The following CELSR3 variants were observed in gnomAD, a reference collection of about 807,000 sequenced individuals.
CELSR3 encodes the protein EGF-like protein 1.
In CELSR3, 73 loss-of-function variants were observed where a neutral mutation model predicts 270.0. The ratio of observed to expected loss-of-function variants is 0.27; its 90% CI spans 0.22 to 0.33. The LOEUF is 0.33. CELSR3 is among the 10% of genes least tolerant of loss of function. The probability of loss-of-function intolerance (pLI) is 1.00; values close to 1 mark genes in which losing one functional copy is unlikely to be tolerated. For synonymous variants in CELSR3, 1,780 were observed against 1,905.4 expected, an observed-to-expected ratio of 0.93 and a Z score of 1.71; for missense variants, 3,614 against 4,533.8, an observed-to-expected ratio of 0.80 and a Z score of 5.83.
intron 34 of CELSR3, 69 bp from the exon 35 acceptor site, chr3:48,638,301 C>G: frequency 1.7e-6 from 2 of 1,204,878 alleles, no homozygotes; most frequent in Non-Finnish European, 2.5e-6. Context: ...CTGGACTCCC[C>G]CACCACATTT....
Position 48,655,278 on chromosome 3 carries a change from C to A in CELSR3, c.4830+28G>T. 1.2e-6 allele frequency: 2 copies of A among 1,614,080 alleles called. No individual in the cohort carries two copies. The highest frequency in any genetic ancestry group is 1.7e-6 in the Non-Finnish European group (2 of 1,179,958). On this transcript the variant is annotated intron_variant, in intron 5 of 34. Coordinates refer to ENST00000164024, the MANE Select transcript of CELSR3 (RefSeq NM_001407.3). This position sits in a 1 kb window ranked among gnomAD's most constrained non-coding sequence, Gnocchi z 5.8. ...CAGAAGTCAGCATCCCAACTCCCCT[C>A]ATACCCGATGCCAGGGATGGCCCCC...
Position 48,653,558 on chromosome 3 carries a change from T to A in CELSR3, c.5448+61A>T. On this transcript the variant is annotated intron_variant, in intron 9 of 34. Transcript: ENST00000164024. This position sits in a 1 kb window ranked among gnomAD's most constrained non-coding sequence, Gnocchi z 6.5. ...TGTGACCAACCTGAACCCACAAGAATGTCAGTGGCGGCCTAAGAGACTGAG... is the reference window on the plus strand; with the variant it reads ...TGTGACCAACCTGAACCCACAAGAAAGTCAGTGGCGGCCTAAGAGACTGAG... 1 of 1,572,210 alleles carries A rather than the reference T, an allele frequency of 6.4e-7. No homozygotes were observed. Among genetic ancestry groups the A allele is most frequent in the Non-Finnish European group, 8.7e-7 (1 of 1,152,544 alleles).
rs2077074255 is a variant in CELSR3, at chr3:48,662,328, C to T, written c.307G>A (p.Glu103Lys). The change falls in exon 1 of 35, where the codon GAG becomes AAG. Residue 103 changes from glutamate to lysine, a missense_variant. Transcript: ENST00000164024. This position sits in a 1 kb window ranked among gnomAD's most constrained non-coding sequence, Gnocchi z 7.1. ...QSARNSRGPP[E>K]QPNEELGIEH... ...ATCCCCAGCTCCTCATTCGGCTGCT[C>T]AGGGGGCCCTCGACTATTCCGGGCG... 2 of 1,613,088 alleles carry T rather than the reference C, an allele frequency of 1.2e-6. No individual in the cohort carries two copies. Among genetic ancestry groups the T allele is most frequent in the East Asian group, 2.2e-5 (1 of 44,866 alleles).
Position 48,642,949 on chromosome 3 carries a change from G to A in CELSR3, c.8406+18C>T, listed in dbSNP as rs780104764. ...CAGCCTAAAACTCTGGCTTCTCAGG[G>A]CCCCCATCCCGACTCACCAGCCCAG... On this transcript the variant is annotated intron_variant, in intron 29 of 34. Coordinates refer to ENST00000164024, the MANE Select transcript of CELSR3 (RefSeq NM_001407.3). The surrounding 1 kb of genome is among the most constrained non-coding windows in gnomAD (Gnocchi z 6.1). 1 of 1,609,408 alleles carries A rather than the reference G, an allele frequency of 6.2e-7. No homozygotes were observed. The highest frequency in any genetic ancestry group is 1.1e-5 in the South Asian group (1 of 90,984).
chr3:48,660,083 G>A lies in CELSR3; in HGVS notation c.2552C>T (p.Ala851Val). ...TTGAAAGACCGGCCGATGAGTGTTGGCATCTGTGATGTTGATGTGCACATA... is the reference window on the plus strand; with the variant it reads ...TTGAAAGACCGGCCGATGAGTGTTGACATCTGTGATGTTGATGTGCACATA... ...HCYVHINITD[A>V]NTHRPVFQSA... Residue 851 changes from alanine (A) to valine (V), a missense_variant, in exon 1 of 35, where the codon GCC becomes GTC. Coordinates refer to ENST00000164024, the MANE Select transcript of CELSR3 (RefSeq NM_001407.3). This position sits in a 1 kb window ranked among gnomAD's most constrained non-coding sequence, Gnocchi z 5.5. 1.2e-6 allele frequency: 2 copies of A among 1,614,186 alleles called. No individual in the cohort carries two copies. Among genetic ancestry groups the A allele is most frequent in the Non-Finnish European group, 1.7e-6 (2 of 1,180,040 alleles).
At position 48,662,586 on chromosome 3, in the gene CELSR3, G is replaced by C; in HGVS notation, c.49C>G (p.Pro17Ala). 6.6e-7 allele frequency: 1 copy of C among 1,511,838 alleles called. No individual in the cohort carries two copies. Among genetic ancestry groups the C allele is most frequent in the South Asian group, 1.3e-5 (1 of 78,266 alleles). The allele number at this position is 1,511,838 out of a possible 1,614,324, so 93.7% of individuals were successfully genotyped here. A position where few individuals can be genotyped will look rare whatever the true frequency, so the allele number is the denominator to read the frequency against. ...PWRGLGGRSTPILLLLLLSLF... is the reference protein window; with the variant it reads ...PWRGLGGRSTAILLLLLLSLF... ...GAGAGGAGAAGGAGCAGGAGTATGG[G>C]GGTCGACCGTCCCCCGAGGCCCCGC... The change falls in exon 1 of 35, where the codon CCC (proline) becomes GCC (alanine). Residue 17 changes from proline to alanine, a missense_variant. Physicochemically the swap from Pro to Ala is conservative, Grantham distance 27. Coordinates refer to ENST00000164024, the MANE Select transcript of CELSR3 (RefSeq NM_001407.3). This position sits in a 1 kb window ranked among gnomAD's most constrained non-coding sequence, Gnocchi z 7.1.
At position 48,651,549 on chromosome 3, in the gene CELSR3, C is replaced by G; in HGVS notation, c.6065+28G>C. On this transcript the variant is annotated intron_variant, in intron 13 of 34. Transcript: ENST00000164024. This position sits in a 1 kb window ranked among gnomAD's most constrained non-coding sequence, Gnocchi z 7.4. Reference sequence around the variant, plus strand: ...GACCCTCCCTGTCCCTGCCAGGTCTCCCCATCGCCTCAGCCCCAGCCTCTT... The same window carrying G: ...GACCCTCCCTGTCCCTGCCAGGTCTGCCCATCGCCTCAGCCCCAGCCTCTT... 1 of 1,594,150 alleles carries G rather than the reference C, an allele frequency of 6.3e-7. No individual in the cohort carries two copies. The highest frequency in any genetic ancestry group is 8.6e-7 in the Non-Finnish European group (1 of 1,167,538).
rs1021990044 is a variant in CELSR3, at chr3:48,654,382, G to A, written c.5059C>T (p.His1687Tyr). 11 of 1,611,084 alleles carry A rather than the reference G, an allele frequency of 6.8e-6. No homozygotes were observed. The highest frequency in any genetic ancestry group is 9.3e-6 in the Non-Finnish European group (11 of 1,177,638). ...CGCATACAGCCGATGAAGTCCTTAT[G>A]GGATACGGGGAAGTTCTCGGGGAGG... ...PNLPENFPVSHKDFIGCMRDL... is the reference protein window; with the variant it reads ...PNLPENFPVSYKDFIGCMRDL... The change falls in exon 7 of 35, where the codon CAT becomes TAT. Residue 1687 changes from histidine to tyrosine, a missense_variant. By Grantham distance (83) the His-to-Tyr change is moderately conservative. Transcript: ENST00000164024. The surrounding 1 kb of genome is among the most constrained non-coding windows in gnomAD (Gnocchi z 5.4).
chr3:48,649,046 T>C, intron 17 of CELSR3, 75 bp downstream of exon 17: 1 of 1,540,870 alleles, frequency 6.5e-7, no homozygotes, highest in Non-Finnish European at 8.9e-7. Context: ...GTTCAAGGGC[T>C]AGGGTGTGGT....
In CELSR3 at chr3:48,645,446, A is replaced by AT; in HGVS notation, c.7793dup (p.Asn2598LysfsTer36). 6.2e-7 allele frequency: 1 copy of AT among 1,612,858 alleles called. No individual in the cohort carries two copies. The highest frequency in any genetic ancestry group is 8.5e-7 in the Non-Finnish European group (1 of 1,179,996). On this transcript the variant is annotated frameshift_variant, in exon 24 of 35. Coordinates refer to ENST00000164024, the MANE Select transcript of CELSR3 (RefSeq NM_001407.3). LOFTEE classifies it high-confidence loss of function. The surrounding 1 kb of genome is among the most constrained non-coding windows in gnomAD (Gnocchi z 5.4). ...TTCCCTGGCCCTGATCCTGCACCTG[A>AT]TTGTGGGTCCTGTGAATCCCCAGCA... is the stretch of plus-strand genomic sequence containing the variant.
chr3:48,640,202 C>G lies in CELSR3; in HGVS notation c.9383G>C (p.Arg3128Pro), dbSNP rs376118849. Reference protein sequence around the residue: ...GSTLPRRQPPRDYPGAMAGRF... With the variant: ...GSTLPRRQPPPDYPGAMAGRF... ...GCCAGCCATGGCGCCAGGGTAGTCCCGAGGTGGCTGCCTCCGTGGCAGGGT... is the reference window on the plus strand; with the variant it reads ...GCCAGCCATGGCGCCAGGGTAGTCCGGAGGTGGCTGCCTCCGTGGCAGGGT... The change falls in exon 34 of 35, where the codon CGG becomes CCG. Residue 3128 changes from arginine to proline, a missense_variant. Coordinates refer to ENST00000164024, the MANE Select transcript of CELSR3 (RefSeq NM_001407.3). The surrounding 1 kb of genome is among the most constrained non-coding windows in gnomAD (Gnocchi z 7.5). The G allele has an allele frequency of 1.2e-6, 2 of 1,612,754 alleles. No individual in the cohort carries two copies. Among genetic ancestry groups the G allele is most frequent in the Non-Finnish European group, 1.7e-6 (2 of 1,179,942 alleles).
At position 48,640,246 on chromosome 3, in the gene CELSR3, C is replaced by T. The variant is rs762943807; in HGVS notation, c.9339G>A (p.Glu3113=). ...GCAGGGTGCTGCCCCGATCTTTGGG[C>T]TCCAGTCGGCCTGGTGCAGCATCCA... ...ECMDAAPGRL[E]PKDRGSTLPR... Residue 3113 remains glutamate (E), a synonymous_variant, in exon 34 of 35, where the codon GAG becomes GAA. Coordinates refer to ENST00000164024, the MANE Select transcript of CELSR3 (RefSeq NM_001407.3). The surrounding 1 kb of genome is among the most constrained non-coding windows in gnomAD (Gnocchi z 7.5). The T allele has an allele frequency of 3.7e-6, 6 of 1,612,714 alleles. No homozygotes were observed. The highest frequency in any genetic ancestry group is 2.7e-5 in the African/African-American group (2 of 74,944).
rs769530540 is a variant in CELSR3, at chr3:48,645,188, T to C, written c.7819A>G (p.Ile2607Val). 7.0e-6 allele frequency: 11 copies of C among 1,582,138 alleles called. No individual in the cohort carries two copies. The highest frequency in any genetic ancestry group is 9.5e-6 in the Non-Finnish European group (11 of 1,157,670). ...CTGAGGAAGAAGTAGTGCAGGAGGA[T>C]GGCGACTGCAGTGCACACCAGCTGA... is the stretch of plus-strand genomic sequence containing the variant. ...HNQLVCTAVAILLHYFFLSTF... is the reference protein window; with the variant it reads ...HNQLVCTAVAVLLHYFFLSTF... The change falls in exon 25 of 35, where the codon ATC becomes GTC. Residue 2607 changes from isoleucine to valine, a missense_variant. Ile to Val is a conservative substitution (Grantham distance 29). Coordinates refer to ENST00000164024, the MANE Select transcript of CELSR3 (RefSeq NM_001407.3). The surrounding 1 kb of genome is among the most constrained non-coding windows in gnomAD (Gnocchi z 5.4).
Position 48,657,220 on chromosome 3 carries a change from C to T in CELSR3, c.3877G>A (p.Gly1293Ser), listed in dbSNP as rs1246289305. The change falls in exon 2 of 35, where the codon GGC becomes AGC. Residue 1293 changes from glycine to serine, a missense_variant. Gly to Ser is a moderately conservative substitution (Grantham distance 56). This residue lies in a region of CELSR3 where 1,331 missense variants were observed against 1,933.7 expected (regional missense o/e 0.69). Coordinates refer to ENST00000164024, the MANE Select transcript of CELSR3 (RefSeq NM_001407.3). This position sits in a 1 kb window ranked among gnomAD's most constrained non-coding sequence, Gnocchi z 5.4. ...GCAGCCACGCCCTCGAGGAAGCGGC[C>T]CAGCAGCGGTGACAGGAAGCGCTCC... is the stretch of plus-strand genomic sequence containing the variant. ...WQERFLSPLL[G>S]RFLEGVAAVL... 4 of 1,613,698 alleles carry T rather than the reference C, an allele frequency of 2.5e-6. No homozygotes were observed. The highest frequency in any genetic ancestry group is 3.4e-6 in the Non-Finnish European group (4 of 1,179,912).
chr3:48,660,114 G>A lies in CELSR3; in HGVS notation c.2521C>T (p.His841Tyr). The A allele has an allele frequency of 6.2e-7, 1 of 1,614,190 alleles. No homozygotes were observed. Among genetic ancestry groups the A allele is most frequent in the Non-Finnish European group, 8.5e-7 (1 of 1,180,048 alleles). Residue 841 changes from histidine to tyrosine, a missense_variant, in exon 1 of 35, where the codon CAC becomes TAC. Physicochemically the swap from His to Tyr is moderately conservative, Grantham distance 83. Around this residue, in one of 7 missense-constraint regions of CELSR3, gnomAD observed 215 missense variants for 241.2 expected, o/e 0.89. Transcript: ENST00000164024. This position sits in a 1 kb window ranked among gnomAD's most constrained non-coding sequence, Gnocchi z 5.5. ...GTGATGTTGATGTGCACATAGCAGT[G>A]ATCATGAAGGGCACGGTCAGATGCA... ...LTASDRALHD[H>Y]CYVHINITDA...
In CELSR3 at chr3:48,657,366, G is replaced by A; in HGVS notation, c.3749-18C>T. 1 of 1,562,454 alleles carries A rather than the reference G, an allele frequency of 6.4e-7. No homozygotes were observed. The highest frequency in any genetic ancestry group is 8.7e-7 in the Non-Finnish European group (1 of 1,154,744). ...CAGGCCATCTGCAGGCGGGGGCAGG[G>A]GCAGTGGTCATCCTGGGGACAGTGG... On this transcript the variant is annotated intron_variant, in intron 1 of 34. Coordinates refer to ENST00000164024, the MANE Select transcript of CELSR3 (RefSeq NM_001407.3). The surrounding 1 kb of genome is among the most constrained non-coding windows in gnomAD (Gnocchi z 5.4).
rs1312920827 is a variant in CELSR3, at chr3:48,640,090, A to G, written c.9495T>C (p.Leu3165=). Residue 3165 remains leucine (L), a synonymous_variant, in exon 34 of 35, where the codon CTT becomes CTC. Transcript: ENST00000164024. The surrounding 1 kb of genome is among the most constrained non-coding windows in gnomAD (Gnocchi z 7.5). ...TLPPPRRTRD[L]DPQPPPLPLS... ...GGGGCAGAGGTGGGGGCTGTGGGTC[A>G]AGGTCCCGGGTGCGGCGGGGCGGAG... 1.2e-6 allele frequency: 2 copies of G among 1,611,058 alleles called. No individual in the cohort carries two copies. Among genetic ancestry groups the G allele is most frequent in the Admixed American group, 3.3e-5 (2 of 59,980 alleles).
intron 19 of CELSR3, 73 bp downstream of exon 19, chr3:48,648,193 C>T: frequency 6.6e-7 from 1 of 1,522,448 alleles, no homozygotes; most frequent in African/African-American, 1.4e-5. Flanking sequence ...TAGCCACAGC[C>T]CCTCAGACCT....
chr3:48,637,918 C>T lies in CELSR3; in HGVS notation c.*287G>A, dbSNP rs114631130. ...CTCCCTCCCCCTCCCAGCCCAGCCT[C>T]AAACCCCCCAGGAGACAGAAAAGCT... is the stretch of plus-strand genomic sequence containing the variant. On this transcript the variant is annotated 3_prime_UTR_variant, in exon 35 of 35. Coordinates refer to ENST00000164024, the MANE Select transcript of CELSR3 (RefSeq NM_001407.3). The T allele has an allele frequency of 2.3e-3, 912 of 404,928 alleles. 8 individuals are homozygous for T. The highest frequency in any genetic ancestry group is 0.016 in the African/African-American group (814 of 50,342). 25.1% of individuals were successfully genotyped at this position (404,928 alleles called of 1,614,324 possible). A position where few individuals can be genotyped will look rare whatever the true frequency, so the allele number is the denominator to read the frequency against.
Sources: gnomAD v4.1 joint callset for allele counts on GRCh38, gnomAD v4.1.1 for gene constraint, gnomAD v4.1.1 regional missense constraint, Gnocchi (gnomAD v3.1) non-coding constraint, MANE v1.5 for transcripts, NCBI Gene and HGNC (gene_info 2026-07-23, HGNC 2026-07-21) for gene names.